PLXNA1: variants seen among roughly 807,000 people sequenced by gnomAD.
The protein encoded by PLXNA1 is plexin-A1.
Under a neutral mutation model 191.7 loss-of-function variants are expected in PLXNA1, and 77 were observed. That is an observed-to-expected ratio of 0.40 (90% CI 0.33 to 0.49). The LOEUF is 0.49. Ranked by LOEUF, PLXNA1 falls within the 20% of genes least tolerant of loss-of-function variation. PLXNA1 has a pLI of 0.63. For missense variants in PLXNA1, 2,110 were observed against 2,660.2 expected, an observed-to-expected ratio of 0.79 and a Z score of 4.55; for synonymous variants, 1,137 against 1,156.4, an observed-to-expected ratio of 0.98 and a Z score of 0.34.
chr3:126,988,854 C>G lies in PLXNA1; in HGVS notation c.261C>G (p.Gly87=). 1 of 1,613,438 alleles carries G rather than the reference C, an allele frequency of 6.2e-7. No individual in the cohort carries two copies. Among genetic ancestry groups the G allele is most frequent in the Non-Finnish European group, 8.5e-7 (1 of 1,180,014 alleles). Residue 87 remains glycine, a synonymous_variant, in exon 2 of 32, where the codon GGC becomes GGG. Coordinates refer to ENST00000393409, the MANE Select transcript of PLXNA1 (RefSeq NM_032242.4). ...NLTLLRAHVT[G]PVEDNEKCYP... ...CACTGCTGCGGGCCCACGTCACGGG[C>G]CCTGTGGAGGACAACGAGAAGTGCT...
In PLXNA1 at chr3:126,989,457, C is replaced by T. The variant is rs139269120; in HGVS notation, c.864C>T (p.Asp288=). 2.5e-5 allele frequency: 41 copies of T among 1,613,544 alleles called. 1 individual carries two copies. The highest frequency in any genetic ancestry group is 2.3e-4 in the African/African-American group (17 of 74,932). ...CCAAGATCGTGCGGCTCTGTGTGGACGACCCCAAATTCTACTCGTACGTTG... is the reference window on the plus strand; with the variant it reads ...CCAAGATCGTGCGGCTCTGTGTGGATGACCCCAAATTCTACTCGTACGTTG... The part of the protein sequence containing the change: ...FTSKIVRLCV[D]DPKFYSYVEF... Residue 288 remains aspartate (D), a synonymous_variant, in exon 2 of 32, where the codon GAC becomes GAT. Coordinates refer to ENST00000393409, the MANE Select transcript of PLXNA1 (RefSeq NM_032242.4).
At chr3:127,007,261 T>C (rs2079073875) in intron 8 of PLXNA1, among the ~76,000 whole-genome samples, 1 of 152,108 alleles carries the variant, frequency 6.6e-6, no homozygotes, top group South Asian at 2.1e-4. Flanking sequence ...GCAGAGCGCC[T>C]ACAGTGGCCA....
In PLXNA1 at chr3:127,007,873, C is replaced by T; in HGVS notation, c.2072C>T (p.Ala691Val). Reference protein sequence around the residue: ...KYRHVCTHNVADCAFLEGRVN... With the variant: ...KYRHVCTHNVVDCAFLEGRVN... Reference sequence around the variant, plus strand: ...CGCCACGTGTGCACACACAACGTGGCTGACTGCGCCTTCCTGGAGGGCCGT... The same window carrying T: ...CGCCACGTGTGCACACACAACGTGGTTGACTGCGCCTTCCTGGAGGGCCGT... Residue 691 changes from alanine (A) to valine (V), a missense_variant, in exon 9 of 32, where the codon GCT becomes GTT. Around this residue, in one of 4 missense-constraint regions of PLXNA1, gnomAD observed 903 missense variants for 1,015.7 expected, o/e 0.89. Transcript: ENST00000393409. 1 of 1,612,138 alleles carries T rather than the reference C, an allele frequency of 6.2e-7. No homozygotes were observed.
At chr3:127,005,893 A>G (rs1046629859) in intron 7 of PLXNA1, among the ~76,000 whole-genome samples, 186 bp from the exon 8 acceptor site, 1 of 152,108 alleles carries the variant, frequency 6.6e-6, no homozygotes, top group Non-Finnish European at 1.5e-5. Flanking sequence ...CACACTGAGC[A>G]GGAGGCAAGC....
At chr3:126,998,260 G>A (rs571486331) in intron 3 of PLXNA1, among the ~76,000 whole-genome samples, 3 of 152,306 alleles carry the variant, frequency 2.0e-5, no homozygotes, top group South Asian at 2.1e-4. Context: ...CAGCTGGATG[G>A]GGGGTAGGTG....
In PLXNA1 at chr3:126,983,220, A is replaced by ACGG. The variant is rs1021443529; in HGVS notation, c.-129_-127dup. ...CTTCGGCGGCCCCGCGGCGGGGCGG[A>ACGG]CGGCGGCGGCGGCGCGGGCGGCTGG... On this transcript the variant is annotated 5_prime_UTR_variant, in exon 1 of 32. Transcript: ENST00000393409. 7.5e-5 allele frequency among the ~76,000 whole-genome samples: 10 copies of ACGG among 134,092 alleles called. No homozygotes were observed. Among genetic ancestry groups the ACGG allele is most frequent in the Non-Finnish European group, 1.5e-4 (9 of 61,682 alleles). The allele number at this position is 134,092 out of a possible 152,430, so 88.0% of individuals were successfully genotyped here.
At chr3:127,028,522 G>T (rs1156740308) in intron 25 of PLXNA1, among the ~76,000 whole-genome samples, 182 bp downstream of exon 25, 4 of 152,178 alleles carry the variant, frequency 2.6e-5, no homozygotes, top group Non-Finnish European at 4.4e-5. Flanking sequence ...TGGCTGCCCT[G>T]CTCTGGGCAG....
Position 127,009,865 on chromosome 3 carries a change from G to C in PLXNA1, c.2112+1952G>C, listed in dbSNP as rs118124335. Among the ~76,000 whole-genome samples the C allele has an allele frequency of 5.5e-4, 84 of 152,322 alleles. No individual in the cohort carries two copies. The East Asian group carries it at 0.015, about 28-fold the overall frequency. On this transcript the variant is annotated intron_variant, in intron 9 of 31. Coordinates refer to ENST00000393409, the MANE Select transcript of PLXNA1 (RefSeq NM_032242.4). ...TGTGCCAGGGCCTAAGGGCTCCCAC[G>C]TGGAGCCCCCACCGAAGCTGAGCTC... is the stretch of plus-strand genomic sequence containing the variant.
intron 15 of PLXNA1, among the ~76,000 whole-genome samples, chr3:127,016,029 C>T (rs569491049): frequency 5.9e-5 from 9 of 152,216 alleles, no homozygotes; most frequent in East Asian, 3.9e-4. Context: ...CTCGGAGCCC[C>T]GGCTGAGTGA....
At chr3:126,997,582 C>T (rs956261691) in intron 3 of PLXNA1, among the ~76,000 whole-genome samples, 2 of 152,236 alleles carry the variant, frequency 1.3e-5, no homozygotes, top group African/African-American at 2.4e-5. Flanking sequence ...GGGCCCTGCA[C>T]GGTAACCTGC....
Position 127,032,372 on chromosome 3 carries a change from G to C in PLXNA1, c.5232-15G>C. 1 of 1,612,818 alleles carries C rather than the reference G, an allele frequency of 6.2e-7. No homozygotes were observed. The highest frequency in any genetic ancestry group is 8.5e-7 in the Non-Finnish European group (1 of 1,179,384). On this transcript the variant is annotated splice_polypyrimidine_tract_variant and intron_variant, in intron 29 of 31. Coordinates refer to ENST00000393409, the MANE Select transcript of PLXNA1 (RefSeq NM_032242.4). ...CAGAGGCCTATCTGAGCAGCGCCTG[G>C]ACTCTCGCCTGCAGCCTGCCCCTGC...
intron 23 of PLXNA1, among the ~76,000 whole-genome samples, chr3:127,026,010 A>G (rs2079174884): frequency 6.6e-6 from 1 of 152,234 alleles, no homozygotes; most frequent in South Asian, 2.1e-4. Context: ...TGCTTGTCGT[A>G]ATGTCATTTA....
At chr3:127,018,975 G>A (rs1041150157) in intron 20 of PLXNA1, among the ~76,000 whole-genome samples, 1 of 152,204 alleles carries the variant, frequency 6.6e-6, no homozygotes, top group African/African-American at 2.4e-5. Flanking sequence ...CTTGCGCTTT[G>A]GCAGTCCCTG....
intron 23 of PLXNA1, chr3:127,027,115 G>A (rs906158772): frequency 1.2e-5 from 2 of 167,008 alleles, no homozygotes; most frequent in African/African-American, 2.4e-5. Flanking sequence ...TGTGCTGGGC[G>A]CTCCCCAGGA....
intron 9 of PLXNA1, among the ~76,000 whole-genome samples, chr3:127,011,008 A>G (rs1216991739): frequency 2.6e-5 from 4 of 152,168 alleles, no homozygotes; most frequent in Non-Finnish European, 5.9e-5. Flanking sequence ...TAAGGTGACA[A>G]GGCCCACGGT....
At position 127,018,570 on chromosome 3, in the gene PLXNA1, G is replaced by A. The variant is rs370358887; in HGVS notation, c.3895+42G>A. On this transcript the variant is annotated intron_variant, in intron 20 of 31. Coordinates refer to ENST00000393409, the MANE Select transcript of PLXNA1 (RefSeq NM_032242.4). Reference sequence around the variant, plus strand: ...GCTCACTGGGGCAACTGCCACCTCCGAGCCAGGCCCTGGCCTGTCCCCACA... The same window carrying A: ...GCTCACTGGGGCAACTGCCACCTCCAAGCCAGGCCCTGGCCTGTCCCCACA... 80 of 1,515,388 alleles carry A rather than the reference G, an allele frequency of 5.3e-5. No homozygotes were observed. The African/African-American group carries it at 9.8e-4, about 19-fold the overall frequency. 93.9% of individuals were successfully genotyped at this position (1,515,388 alleles called of 1,614,324 possible). A position where few individuals can be genotyped will look rare whatever the true frequency, so the allele number is the denominator to read the frequency against.
At chr3:127,002,453 T>G (rs1275534391) in intron 3 of PLXNA1, among the ~76,000 whole-genome samples, 1 of 152,262 alleles carries the variant, frequency 6.6e-6, no homozygotes, top group Non-Finnish European at 1.5e-5. Context: ...CCTGCTGCCC[T>G]GGACCTGCCC....
intron 23 of PLXNA1, among the ~76,000 whole-genome samples, chr3:127,024,065 A>G (rs961707525): frequency 7.9e-5 from 12 of 152,188 alleles, no homozygotes; most frequent in Admixed American, 2.0e-4. Context: ...TCCTGTAGAA[A>G]GTACAGTTCT....
intron 14 of PLXNA1, 85 bp from the exon 15 acceptor site, chr3:127,015,099 G>A: frequency 6.5e-7 from 1 of 1,531,486 alleles, no homozygotes; most frequent in Non-Finnish European, 8.8e-7. Context: ...CTGTCTGTGG[G>A]GGTAAGCAGG....
Sources: gnomAD v4.1 joint callset for allele counts (sites outside exome capture counted in the v4.1 genomes callset) on GRCh38, gnomAD v4.1.1 for gene constraint, gnomAD v4.1.1 regional missense constraint, MANE v1.5 for transcripts, NCBI Gene and HGNC (gene_info 2026-07-23, HGNC 2026-07-21) for gene names.